SMAD3: variants seen among roughly 807,000 people sequenced by gnomAD.
SMAD3 encodes the protein SMAD family member 3.
Under a neutral mutation model 51.8 loss-of-function variants are expected in SMAD3, and 12 were observed. The ratio of observed to expected loss-of-function variants is 0.23; its 90% confidence interval spans 0.15 to 0.38. The LOEUF (loss-of-function observed/expected upper bound fraction) is 0.38. Among genes scored for constraint, SMAD3 ranks in the 10% least tolerant of loss-of-function variants. SMAD3 has a pLI of 1.00. For synonymous variants in SMAD3, 238 were observed against 227.7 expected, an observed-to-expected ratio of 1.05 and a Z score of -0.41; for missense variants, 294 against 565.6, an observed-to-expected ratio of 0.52 and a Z score of 4.87.
At chr15:67,104,746 CTG>C (rs1478722754) in intron 1 of SMAD3, among the ~76,000 whole-genome samples, 1 of 152,266 alleles carries the variant, frequency 6.6e-6, no homozygotes, top group African/African-American at 2.4e-5. Context: ...AGTACTTCCT[CTG>C]TGGGCTTTGC....
At chr15:67,156,761 C>T (rs1962293203) in intron 1 of SMAD3, among the ~76,000 whole-genome samples, 2 of 120,026 alleles carry the variant, frequency 1.7e-5, no homozygotes, top group African/African-American at 6.3e-5. Context: ...GTCTGCTCCA[C>T]ATGTTTTCAT....
rs369386357 is a variant in SMAD3, at chr15:67,192,313, A to ACCT, written c.*1777_*1778insCCT. The ACCT allele has an allele frequency of 2.1e-3, 497 of 233,100 alleles. 4 individuals are homozygous for ACCT. The highest frequency in any genetic ancestry group is 0.01 in the African/African-American group (464 of 45,434). 14.4% of individuals were successfully genotyped at this position (233,100 alleles called of 1,614,324 possible). A position where few individuals can be genotyped will look rare whatever the true frequency, so the allele number is the denominator to read the frequency against. On this transcript the variant is annotated 3_prime_UTR_variant, in exon 9 of 9. Coordinates refer to ENST00000327367, the MANE Select transcript of SMAD3 (RefSeq NM_005902.4). ...CCCCAAGCCTCCTGAGGACACAGGA[A>ACCT]GAGACGGAAGGAGCACCTTGACAGA...
At chr15:67,095,959 G>A (rs1224917951) in intron 1 of SMAD3, among the ~76,000 whole-genome samples, 1 of 152,246 alleles carries the variant, frequency 6.6e-6, no homozygotes, top group Non-Finnish European at 1.5e-5. Context: ...TTTGAGCACA[G>A]ACTTCTGCCG....
chr15:67,148,370 G>A (rs938170601), intron 1 of SMAD3, among the ~76,000 whole-genome samples: 2 of 152,166 alleles, frequency 1.3e-5, no homozygotes, highest in African/African-American at 4.8e-5. Flanking sequence ...CCATATATCT[G>A]TGTGCTTTCT....
intron 1 of SMAD3, among the ~76,000 whole-genome samples, chr15:67,127,071 A>G (rs958970400): frequency 2.0e-5 from 3 of 152,142 alleles, no homozygotes; most frequent in African/African-American, 7.2e-5. Flanking sequence ...TAGCTCTCAG[A>G]CAGACAAGGT....
intron 3 of SMAD3, chr15:67,166,060 C>T (rs933476559): frequency 7.3e-6 from 3 of 413,696 alleles, no homozygotes; most frequent in Non-Finnish European, 9.9e-6. Flanking sequence ...CTAATTTGGA[C>T]GTGACGTTCA....
chr15:67,181,005 T>TAAAA (rs869143841), intron 5 of SMAD3, among the ~76,000 whole-genome samples: 27 of 150,078 alleles, frequency 1.8e-4, no homozygotes, highest in African/African-American at 3.5e-4. Context: ...AATAAATAAA[T>TAAAA]AAAAAGAGAA....
chr15:67,068,166 T>C (rs1338602090), intron 1 of SMAD3, among the ~76,000 whole-genome samples: 1 of 152,226 alleles, frequency 6.6e-6, no homozygotes, highest in Non-Finnish European at 1.5e-5. Context: ...GTTGTTAGGC[T>C]TAAGATTATC....
intron 6 of SMAD3, 93 bp from the exon 7 acceptor site, chr15:67,184,634 T>A: frequency 6.7e-7 from 1 of 1,492,906 alleles, no homozygotes; most frequent in Middle Eastern, 2.3e-4. Flanking sequence ...GGAGCAGCTC[T>A]GCTGTTCTGC....
intron 1 of SMAD3, among the ~76,000 whole-genome samples, chr15:67,094,956 G>A (rs1188894508): frequency 6.6e-6 from 1 of 152,218 alleles, no homozygotes; most frequent in Non-Finnish European, 1.5e-5. Flanking sequence ...GGCAGGTCTT[G>A]GGTAAGTCAC....
intron 1 of SMAD3, among the ~76,000 whole-genome samples, chr15:67,077,697 A>G (rs763920637): frequency 1.3e-5 from 2 of 152,158 alleles, no homozygotes; most frequent in African/African-American, 2.4e-5. Flanking sequence ...GGCAATACTC[A>G]ATTGGGGCCT....
rs544717657 is a variant in SMAD3, at chr15:67,172,199, TCTCCCTCCCTACTGCCC to T, written c.658+1598_658+1614del. The stretch of plus-strand genomic sequence containing the variant: ...AGGCAGCATCCTCTGTTGACATAAT[TCTCCCTCCCTACTGCCC>T]CTTCCTCGGGCAGCTTGCCTGAAAG... On this transcript the variant is annotated intron_variant, in intron 5 of 8. Coordinates refer to ENST00000327367, the MANE Select transcript of SMAD3 (RefSeq NM_005902.4). 1.7e-3 allele frequency among the ~76,000 whole-genome samples: 259 copies of T among 152,308 alleles called. 1 individual carries two copies. Among genetic ancestry groups the T allele is most frequent in the African/African-American group, 5.9e-3 (245 of 41,562 alleles).
intron 1 of SMAD3, among the ~76,000 whole-genome samples, chr15:67,125,274 CT>C (rs1961357033): frequency 6.6e-6 from 1 of 152,250 alleles, no homozygotes; most frequent in Non-Finnish European, 1.5e-5. Flanking sequence ...CCACCCGCTT[CT>C]TTCTTTATAG....
At chr15:67,158,250 A>G (rs1383717227) in intron 1 of SMAD3, among the ~76,000 whole-genome samples, 2 of 152,228 alleles carry the variant, frequency 1.3e-5, no homozygotes, top group Non-Finnish European at 2.9e-5. Flanking sequence ...GCTATATTAA[A>G]TCCAGCAGCT....
intron 1 of SMAD3, chr15:67,099,169 G>A (rs1595898004): frequency 3.2e-6 from 2 of 628,588 alleles, no homozygotes; most frequent in Non-Finnish European, 2.9e-6. Flanking sequence ...CAGTCACAGG[G>A]CTGGAAAGTG....
At chr15:67,150,251 G>T (rs909301339) in intron 1 of SMAD3, among the ~76,000 whole-genome samples, 1 of 152,108 alleles carries the variant, frequency 6.6e-6, no homozygotes, top group East Asian at 1.9e-4. Context: ...CTCTCTAGCC[G>T]GTGACTCATA....
chr15:67,146,566 G>A (rs1415469952), intron 1 of SMAD3, among the ~76,000 whole-genome samples: 13 of 152,174 alleles, frequency 8.5e-5, no homozygotes, highest in Non-Finnish European at 5.9e-5. Flanking sequence ...TCGGGGATGG[G>A]GAGCGGGGAG....
intron 1 of SMAD3, among the ~76,000 whole-genome samples, chr15:67,113,076 G>GTATATATATATATATATATATATATA (rs1555408269): frequency 2.9e-5 from 1 of 34,972 alleles, no homozygotes; most frequent in Non-Finnish European, 5.8e-5. Flanking sequence ...ATATATATGT[G>GTATATATATATATATATATATATATA]TATATATATA....
intron 1 of SMAD3, among the ~76,000 whole-genome samples, chr15:67,161,770 TG>T (rs1962437961): frequency 6.6e-6 from 1 of 152,156 alleles, no homozygotes; most frequent in Non-Finnish European, 1.5e-5. Context: ...CACTTTCAAA[TG>T]GAAACCAAGC....
Sources: gnomAD v4.1 joint callset for allele counts (sites outside exome capture counted in the v4.1 genomes callset) on GRCh38, gnomAD v4.1.1 for gene constraint, MANE v1.5 for transcripts, NCBI Gene and HGNC (gene_info 2026-07-23, HGNC 2026-07-21) for gene names.